The following TBL1XR1 variants were observed in gnomAD, a reference collection of about 807,000 sequenced individuals.
TBL1XR1 encodes F-box-like/WD repeat-containing protein TBL1XR1.
In TBL1XR1, 5 loss-of-function variants were observed where a neutral mutation model predicts 66.9. The ratio of observed to expected loss-of-function variants is 0.07; its 90% CI spans 0.04 to 0.16. TBL1XR1 has a LOEUF of 0.16. TBL1XR1 is among the 10% of genes least tolerant of loss of function. The pLI is 1.00. For missense variants in TBL1XR1, 238 were observed against 623.2 expected (o/e 0.38, Z 6.58); for synonymous variants, 210 against 206.0 (o/e 1.02, Z -0.17).
intron 2 of TBL1XR1, among the ~76,000 whole-genome samples, chr3:177,093,554 A>C (rs914816635): frequency 6.6e-6 from 1 of 152,202 alleles, no homozygotes; most frequent in Non-Finnish European, 1.5e-5. Context: ...GAGTCATCAC[A>C]TTACCTGATC....
chr3:177,198,703 T>G (rs1737238564), upstream of TBL1XR1, among the ~76,000 whole-genome samples: 1 of 152,204 alleles, frequency 6.6e-6, no homozygotes, highest in Admixed American at 6.5e-5. Flanking sequence ...ACCTTTTTGT[T>G]ATTTCGCTTA....
At chr3:177,044,544 G>A (rs1298267574) in intron 10 of TBL1XR1, among the ~76,000 whole-genome samples, 2 of 152,100 alleles carry the variant, frequency 1.3e-5, no homozygotes, top group African/African-American at 2.4e-5. Context: ...AAGAAGAAAC[G>A]TCTGAAGGTA....
intron 1 of TBL1XR1, among the ~76,000 whole-genome samples, chr3:177,189,058 A>G (rs1005501974): frequency 7.3e-5 from 11 of 151,556 alleles, no homozygotes; most frequent in Non-Finnish European, 1.5e-4. Context: ...ATACAAAAAA[A>G]TTAGCCGGGC....
intron 1 of TBL1XR1, among the ~76,000 whole-genome samples, chr3:177,123,283 T>C (rs1323748718): frequency 6.8e-6 from 1 of 148,044 alleles, no homozygotes; most frequent in Admixed American, 6.7e-5. Context: ...TTAACAAAAG[T>C]TTAAAATTCA....
At position 177,180,644 on chromosome 3, in the gene TBL1XR1, C is replaced by T. The variant is rs567782872; in HGVS notation, c.-122+16477G>A. Among the ~76,000 whole-genome samples, 9 of 152,248 alleles carry T rather than the reference C, an allele frequency of 5.9e-5. No homozygotes were observed. In the South Asian group the frequency reaches 1.9e-3, roughly 32 times the overall value. ...TCAAAAACAAATGCGTCATCCTCTA[C>T]TTTGGAAGGTTCCAAATGATAACAG... is the stretch of plus-strand genomic sequence containing the variant. On this transcript the variant is annotated intron_variant, in intron 1 of 15. Transcript: ENST00000457928.
intron 1 of TBL1XR1, among the ~76,000 whole-genome samples, chr3:177,138,086 G>A (rs1434024671): frequency 7.9e-5 from 12 of 152,128 alleles, no homozygotes; most frequent in East Asian, 3.8e-4. Context: ...AAAAACCCAC[G>A]TTTAAGACAT....
chr3:177,108,187 C>A (rs1003697436), intron 1 of TBL1XR1, among the ~76,000 whole-genome samples: 1 of 151,942 alleles, frequency 6.6e-6, no homozygotes, highest in African/African-American at 2.4e-5. Flanking sequence ...AATTAACAGA[C>A]CAAGCAAAAA....
At chr3:177,126,097 CAT>C (rs1456145397) in intron 1 of TBL1XR1, 1 of 151,848 alleles carries the variant, frequency 6.6e-6, no homozygotes, top group Non-Finnish European at 1.5e-5. Context: ...CCAATTTTAA[CAT>C]ATGTGCTGCC....
chr3:177,196,557 G>A (rs560090170), intron 1 of TBL1XR1: 1 of 148,280 alleles, frequency 6.7e-6, no homozygotes, highest in Non-Finnish European at 1.5e-5. Context: ...GCCGGCCGGG[G>A]TCGCCGCGCC....
At chr3:177,029,861 G>A (rs1713690971) in intron 14 of TBL1XR1, among the ~76,000 whole-genome samples, 2 of 152,042 alleles carry the variant, frequency 1.3e-5, no homozygotes, top group Admixed American at 1.3e-4. Context: ...TATTTGAAAA[G>A]ATATTTAAAC....
Position 177,075,906 on chromosome 3 carries a change from G to T in TBL1XR1, c.-45-10884C>A, listed in dbSNP as rs554192693. Among the ~76,000 whole-genome samples, 3 of 152,274 alleles carry T rather than the reference G, an allele frequency of 2.0e-5. No homozygotes were observed. In the East Asian group the frequency reaches 5.8e-4, roughly 29 times the overall value. Reference sequence around the variant, plus strand: ...CCCTCTGAAGGTGTGCTAAGGAGGGGTCTGTTCCAGGCCTCTCTCCTAGCT... The same window carrying T: ...CCCTCTGAAGGTGTGCTAAGGAGGGTTCTGTTCCAGGCCTCTCTCCTAGCT... On this transcript the variant is annotated intron_variant, in intron 2 of 15. Transcript: ENST00000457928.
chr3:177,096,130 A>C (rs1723448749), intron 2 of TBL1XR1, among the ~76,000 whole-genome samples: 1 of 152,192 alleles, frequency 6.6e-6, no homozygotes. Context: ...AATATGACAT[A>C]CTACACAGCA....
chr3:177,166,944 C>G (rs981671270), intron 1 of TBL1XR1, among the ~76,000 whole-genome samples: 6 of 152,196 alleles, frequency 3.9e-5, no homozygotes, highest in African/African-American at 1.4e-4. Context: ...TTAACACTTT[C>G]TTACTAAAAC....
upstream of TBL1XR1, among the ~76,000 whole-genome samples, chr3:177,199,495 T>C (rs1367357328): frequency 6.6e-6 from 1 of 152,156 alleles, no homozygotes; most frequent in East Asian, 1.9e-4. Flanking sequence ...GCTTAGATTA[T>C]TTTTTAAGTT....
In TBL1XR1 at chr3:177,021,894, G is replaced by A. The variant is rs780601491; in HGVS notation, c.*3604C>T. On this transcript the variant is annotated 3_prime_UTR_variant, in exon 16 of 16. Coordinates refer to ENST00000457928, the MANE Select transcript of TBL1XR1 (RefSeq NM_024665.7). ...CAATGTACTTAAGATAATGAAAATT[G>A]TAGCGCTGCATTTGAGATTTATTTC... The A allele has an allele frequency of 6.6e-6, 1 of 152,608 alleles. No homozygotes were observed. Among genetic ancestry groups the A allele is most frequent in the Non-Finnish European group, 1.5e-5 (1 of 68,006 alleles). 9.5% of individuals were successfully genotyped at this position (152,608 alleles called of 1,614,324 possible).
In TBL1XR1 at chr3:177,120,460, C is replaced by CT. The variant is rs537838135; in HGVS notation, c.-121-21920dup. 1.4e-4 allele frequency among the ~76,000 whole-genome samples: 21 copies of CT among 152,302 alleles called. No homozygotes were observed. The Middle Eastern group carries it at 0.014, about 99-fold the overall frequency. On this transcript the variant is annotated intron_variant, in intron 1 of 15. Coordinates refer to ENST00000457928, the MANE Select transcript of TBL1XR1 (RefSeq NM_024665.7). ...GGACTACAACCCAGACCTTCAAACT[C>CT]TAATTCCCAAGAGTCTTCTAACTTC...
intron 10 of TBL1XR1, among the ~76,000 whole-genome samples, chr3:177,044,254 T>TA (rs1577010523): frequency 6.6e-6 from 1 of 152,188 alleles, no homozygotes; most frequent in Non-Finnish European, 1.5e-5. Flanking sequence ...GAACATATGA[T>TA]ATGGTTAATC....
In TBL1XR1 at chr3:177,024,299, C is replaced by T. The variant is rs13065151; in HGVS notation, c.*1199G>A. The stretch of plus-strand genomic sequence containing the variant: ...GAGATTGTTTTTTAAACTAAGGTAG[C>T]AAACATTTTGCCATGTAATGGCAGT... On this transcript the variant is annotated 3_prime_UTR_variant, in exon 16 of 16. Transcript: ENST00000457928. 1 of 152,470 alleles carries T rather than the reference C, an allele frequency of 6.6e-6. No homozygotes were observed. Among genetic ancestry groups the T allele is most frequent in the African/African-American group, 2.4e-5 (1 of 41,416 alleles). 9.4% of individuals were successfully genotyped at this position (152,470 alleles called of 1,614,324 possible).
intron 1 of TBL1XR1, among the ~76,000 whole-genome samples, chr3:177,106,813 G>C (rs1158982042): frequency 2.0e-5 from 3 of 152,070 alleles, no homozygotes; most frequent in African/African-American, 7.2e-5. Context: ...CTCTGTGCAG[G>C]ACACAAACTG....
Sources: allele counts gnomAD v4.1 joint callset (sites outside exome capture counted in the v4.1 genomes callset), GRCh38; gene constraint gnomAD v4.1.1; transcripts MANE v1.5; gene names NCBI Gene and HGNC (gene_info 2026-07-23, HGNC 2026-07-21).